Variants in AGMO observed in about 807,000 individuals in gnomAD.
AGMO encodes the protein alkylglycerol monooxygenase, also known as glyceryl-ether monooxygenase.
Under a neutral mutation model 60.2 loss-of-function variants are expected in AGMO, and 75 were observed. That is an observed-to-expected ratio of 1.25 (90% CI 1.03 to 1.51). The LOEUF is 1.51. Among genes scored for constraint, AGMO ranks in the 40% most tolerant of loss-of-function variants. The pLI, the probability that AGMO is intolerant of heterozygous loss-of-function variation, is 0.00. For synonymous variants in AGMO, 261 were observed against 177.1 expected, an observed-to-expected ratio of 1.47 and a Z score of -3.76; for missense variants, 763 against 525.5, an observed-to-expected ratio of 1.45 and a Z score of -4.42.
intron 12 of AGMO, among the ~76,000 whole-genome samples, chr7:15,338,837 A>G (rs929276628): frequency 6.6e-6 from 1 of 152,254 alleles, no homozygotes; most frequent in African/African-American, 2.4e-5. Flanking sequence ...TGCTTCACTC[A>G]TCAAAATAAA....
At chr7:15,195,259 A>G in the AGMO span, among the ~76,000 whole-genome samples, 7 of 152,214 alleles carry the variant, frequency 4.6e-5, no homozygotes, top group Non-Finnish European at 7.3e-5. Context: ...ACATGGAAAC[A>G]CAAAAGAAGT....
chr7:15,170,359 T>A, the AGMO span, among the ~76,000 whole-genome samples: 3 of 127,284 alleles, frequency 2.4e-5, no homozygotes, highest in African/African-American at 7.5e-5. Context: ...ACAGAAATTT[T>A]GTAGTTGTTT....
intron 10 of AGMO, among the ~76,000 whole-genome samples, chr7:15,373,137 T>C (rs1382437227): frequency 1.3e-5 from 2 of 151,992 alleles, no homozygotes; most frequent in Non-Finnish European, 2.9e-5. Flanking sequence ...TATCTGGGCA[T>C]GGTGGCGGTA....
intron 10 of AGMO, among the ~76,000 whole-genome samples, chr7:15,371,177 A>G (rs1464849369): frequency 6.6e-6 from 1 of 152,140 alleles, no homozygotes; most frequent in African/African-American, 2.4e-5. Flanking sequence ...AGAAAACATT[A>G]ATACAATTAA....
chr7:15,394,082 A>G, intron 6 of AGMO, 31 bp downstream of exon 6: 1 of 1,518,536 alleles, frequency 6.6e-7, no homozygotes, highest in Non-Finnish European at 9.1e-7. Context: ...AGAGAAATGA[A>G]GAAAAGAGAG....
Position 15,440,331 on chromosome 7 carries a change from G to T in AGMO, c.410-9223C>A, listed in dbSNP as rs186754179. Among the ~76,000 whole-genome samples, 8 of 152,234 alleles carry T rather than the reference G, an allele frequency of 5.3e-5. No individual in the cohort carries two copies. The East Asian group carries it at 1.4e-3, about 26-fold the overall frequency. ...ATTTCTAAATACCACTCAATCATAG[G>T]AGAGTATTGCTCATATATATGTTTT... On this transcript the variant is annotated intron_variant, in intron 3 of 12. Coordinates refer to ENST00000342526, the MANE Select transcript of AGMO (RefSeq NM_001004320.2).
intron 12 of AGMO, among the ~76,000 whole-genome samples, chr7:15,254,131 C>T (rs1375238495): frequency 1.3e-5 from 2 of 151,984 alleles, no homozygotes. Flanking sequence ...TTTTTCCATT[C>T]ATCCATTGAT....
intron 12 of AGMO, among the ~76,000 whole-genome samples, chr7:15,304,130 T>C (rs745324725): frequency 6.6e-6 from 1 of 152,180 alleles, no homozygotes; most frequent in African/African-American, 2.4e-5. Flanking sequence ...TTTTATTCTA[T>C]GAAATAAGTG....
At chr7:15,166,324 G>C in the AGMO span, among the ~76,000 whole-genome samples, 1 of 152,132 alleles carries the variant, frequency 6.6e-6, no homozygotes, top group East Asian at 1.9e-4. Context: ...CACACCGGTG[G>C]ATGGAGCAAT....
At chr7:15,273,597 C>A (rs1052190504) in intron 12 of AGMO, among the ~76,000 whole-genome samples, 11 of 152,104 alleles carry the variant, frequency 7.2e-5, no homozygotes, top group Non-Finnish European at 1.6e-4. Flanking sequence ...ATTGACTTGG[C>A]AATTTGGGCT....
At chr7:15,418,127 A>C (rs1780825941) in intron 5 of AGMO, among the ~76,000 whole-genome samples, 1 of 152,088 alleles carries the variant, frequency 6.6e-6, no homozygotes, top group African/African-American at 2.4e-5. Context: ...CCAATCAAAA[A>C]TTATTTTCAT....
intron 3 of AGMO, among the ~76,000 whole-genome samples, chr7:15,472,915 A>G (rs1782487396): frequency 6.6e-6 from 1 of 151,960 alleles, no homozygotes; most frequent in Non-Finnish European, 1.5e-5. Context: ...GAAACAAAGC[A>G]ATAGGAAATC....
chr7:15,403,066 G>A (rs991242967), intron 5 of AGMO, among the ~76,000 whole-genome samples: 3 of 151,586 alleles, frequency 2.0e-5, no homozygotes, highest in Non-Finnish European at 4.4e-5. Flanking sequence ...GTTTTCCTTT[G>A]GGACTGATGA....
chr7:15,321,786 T>TA (rs1271680734), intron 12 of AGMO, among the ~76,000 whole-genome samples: 1 of 152,056 alleles, frequency 6.6e-6, no homozygotes, highest in Non-Finnish European at 1.5e-5. Context: ...CAAAAAGATT[T>TA]AAAAAATATG....
intron 3 of AGMO, among the ~76,000 whole-genome samples, chr7:15,516,459 AC>A (rs1048642846): frequency 6.6e-6 from 1 of 152,222 alleles, no homozygotes; most frequent in African/African-American, 2.4e-5. Context: ...AACTGGTTTT[AC>A]ATATATAAGG....
chr7:15,187,025 G>A, the AGMO span, among the ~76,000 whole-genome samples: 3 of 152,190 alleles, frequency 2.0e-5, no homozygotes, highest in East Asian at 1.9e-4. Flanking sequence ...TCTTTCCCAC[G>A]CTGCTAGCCA....
At chr7:15,163,760 G>A in the AGMO span, among the ~76,000 whole-genome samples, 4 of 146,352 alleles carry the variant, frequency 2.7e-5, no homozygotes, top group African/African-American at 1.0e-4. Context: ...TGTTCATCTG[G>A]GATATTAGCC....
At chr7:15,312,888 C>A (rs1780808526) in intron 12 of AGMO, among the ~76,000 whole-genome samples, 1 of 151,998 alleles carries the variant, frequency 6.6e-6, no homozygotes, top group Admixed American at 6.6e-5. Flanking sequence ...AGGATGGTCT[C>A]AAACTCCCGA....
chr7:15,239,125 C>T (rs1782513774), intron 12 of AGMO, among the ~76,000 whole-genome samples: 1 of 152,060 alleles, frequency 6.6e-6, no homozygotes, highest in Non-Finnish European at 1.5e-5. Context: ...TGAATGCCTG[C>T]TCTCCAAGCA....
Sources: allele counts gnomAD v4.1 joint callset (sites outside exome capture counted in the v4.1 genomes callset), GRCh38; gene constraint gnomAD v4.1.1; transcripts MANE v1.5; gene names NCBI Gene and HGNC (gene_info 2026-07-23, HGNC 2026-07-21).